The following FBXO4 variants were observed in gnomAD, a reference collection of about 807,000 sequenced individuals.
FBXO4 encodes F-box protein 4.
In FBXO4, 36 loss-of-function variants were observed where a neutral mutation model predicts 43.7. That is an observed-to-expected ratio of 0.82 (90% CI 0.63 to 1.09). The LOEUF is 1.09. FBXO4 is among the 50% of genes least tolerant of loss of function. The probability of loss-of-function intolerance (pLI) is 0.00; values close to 1 mark genes in which losing one functional copy is unlikely to be tolerated. For missense variants in FBXO4, 435 were observed against 474.1 expected (o/e 0.92, Z 0.77); for synonymous variants, 180 against 165.6 (o/e 1.09, Z -0.67).
chr5:42,010,103 C>T, the FBXO4 span, among the ~76,000 whole-genome samples: 1 of 152,148 alleles, frequency 6.6e-6, no homozygotes, highest in Non-Finnish European at 1.5e-5. Flanking sequence ...TGATTAGGTA[C>T]ATTAGGTAAA....
chr5:41,979,343 G>C, the FBXO4 span, among the ~76,000 whole-genome samples: 2 of 152,092 alleles, frequency 1.3e-5, no homozygotes, highest in Non-Finnish European at 2.9e-5. Flanking sequence ...TATGTCTCTG[G>C]CTTTATCACT....
At chr5:41,965,155 T>G in the FBXO4 span, among the ~76,000 whole-genome samples, 17 of 152,138 alleles carry the variant, frequency 1.1e-4, no homozygotes, top group African/African-American at 3.1e-4. Flanking sequence ...TTTCCCCATT[T>G]CTTGTTTTTC....
intron 5 of FBXO4, chr5:41,934,577 G>A: frequency 1.5e-6 from 2 of 1,331,052 alleles, no homozygotes; most frequent in Non-Finnish European, 1.9e-6. Context: ...TTGGGCATCT[G>A]TTTTTTCCAA....
chr5:41,930,963 A>G (rs1365017736), intron 3 of FBXO4, among the ~76,000 whole-genome samples: 3 of 152,220 alleles, frequency 2.0e-5, no homozygotes, highest in Non-Finnish European at 4.4e-5. Flanking sequence ...GCGGAGAACT[A>G]CATTTCTAAA....
At chr5:42,000,589 T>A in the FBXO4 span, among the ~76,000 whole-genome samples, 2 of 152,342 alleles carry the variant, frequency 1.3e-5, no homozygotes, top group Admixed American at 6.5e-5. Flanking sequence ...TTTAGTTTGA[T>A]GCAATCTAAT....
the FBXO4 span, among the ~76,000 whole-genome samples, chr5:41,956,007 C>T: frequency 3.9e-5 from 6 of 151,986 alleles, no homozygotes; most frequent in Admixed American, 1.3e-4. Context: ...CCCAGATCAA[C>T]GTTTAAGAAT....
chr5:42,005,053 C>T, the FBXO4 span, among the ~76,000 whole-genome samples: 1 of 152,184 alleles, frequency 6.6e-6, no homozygotes, highest in East Asian at 1.9e-4. Flanking sequence ...TAATATAATG[C>T]TTCTCTCTCA....
chr5:41,964,505 C>T, the FBXO4 span, among the ~76,000 whole-genome samples: 1 of 150,318 alleles, frequency 6.7e-6, no homozygotes, highest in East Asian at 1.9e-4. Context: ...GGATACATCA[C>T]AGAAAAGCAG....
At position 41,939,642 on chromosome 5, in the gene FBXO4, A is replaced by T. The variant is rs748494197; in HGVS notation, c.1074+26A>T. The stretch of plus-strand genomic sequence containing the variant: ...GTAAGATCATTTATACTCTAGTGAC[A>T]AAAATTTTATTTTGCACTCTATTTT... On this transcript the variant is annotated intron_variant, in intron 6 of 6. Coordinates refer to ENST00000281623, the MANE Select transcript of FBXO4 (RefSeq NM_012176.3). 3 of 1,538,958 alleles carry T rather than the reference A, an allele frequency of 1.9e-6. No individual in the cohort carries two copies. In the East Asian group the frequency reaches 6.8e-5, roughly 35 times the overall value.
rs531012058 is a variant in FBXO4, at chr5:41,941,446, A to G, written c.*165A>G. 107 of 433,762 alleles carry G rather than the reference A, an allele frequency of 2.5e-4. 5 individuals are homozygous for G. The South Asian group carries it at 5.3e-3, about 21-fold the overall frequency. The allele number at this position is 433,762 out of a possible 1,614,324, so 26.9% of individuals were successfully genotyped here. On this transcript the variant is annotated 3_prime_UTR_variant, in exon 7 of 7. Transcript: ENST00000281623. ...TTTTATATTATTTTTACTCTTTACC[A>G]TAAATCAATTACAAGAAAAGAGTTT...
the FBXO4 span, among the ~76,000 whole-genome samples, chr5:41,985,657 T>C: frequency 6.6e-6 from 1 of 152,186 alleles, no homozygotes; most frequent in Non-Finnish European, 1.5e-5. Flanking sequence ...ATTTTGACTT[T>C]TTCACTTACT....
the FBXO4 span, among the ~76,000 whole-genome samples, chr5:41,985,720 G>T: frequency 3.9e-5 from 6 of 152,058 alleles, no homozygotes; most frequent in Non-Finnish European, 8.8e-5. Flanking sequence ...TGGCTAAATG[G>T]TTATTACTAG....
the FBXO4 span, among the ~76,000 whole-genome samples, chr5:42,003,521 T>C: frequency 6.6e-6 from 1 of 152,224 alleles, no homozygotes; most frequent in Non-Finnish European, 1.5e-5. Flanking sequence ...TATTTATTTA[T>C]TTATTTTTTA....
intron 5 of FBXO4, chr5:41,934,974 G>A (rs1255820420): frequency 1.0e-6 from 1 of 982,780 alleles, no homozygotes; most frequent in East Asian, 1.1e-4. Flanking sequence ...TAATACACTG[G>A]TTTGAATTTC....
At chr5:41,988,365 T>A in the FBXO4 span, among the ~76,000 whole-genome samples, 2 of 152,174 alleles carry the variant, frequency 1.3e-5, no homozygotes, top group Non-Finnish European at 2.9e-5. Context: ...AAGAAGGGAA[T>A]GCTCTTCATC....
At chr5:41,965,552 T>C in the FBXO4 span, among the ~76,000 whole-genome samples, 1 of 152,102 alleles carries the variant, frequency 6.6e-6, no homozygotes, top group East Asian at 1.9e-4. Context: ...TATCCTCTTT[T>C]ATTTCATGAA....
the FBXO4 span, among the ~76,000 whole-genome samples, chr5:42,019,209 T>C: frequency 5.5e-3 from 842 of 152,252 alleles, 29 homozygotes; most frequent in East Asian, 0.099. Context: ...GGCTTTGCAA[T>C]TAAAATGTGC....
At chr5:41,974,152 T>G in the FBXO4 span, among the ~76,000 whole-genome samples, 1 of 152,180 alleles carries the variant, frequency 6.6e-6, no homozygotes, top group Non-Finnish European at 1.5e-5. Flanking sequence ...TCTTTGTCTT[T>G]TGCTTTCAGC....
chr5:41,964,711 C>A, the FBXO4 span, among the ~76,000 whole-genome samples: 1 of 151,624 alleles, frequency 6.6e-6, no homozygotes, highest in African/African-American at 2.4e-5. Context: ...ATATCCTTCG[C>A]CCACTTGTTG....
Sources: gnomAD v4.1 joint callset for allele counts (sites outside exome capture counted in the v4.1 genomes callset) on GRCh38, gnomAD v4.1.1 for gene constraint, MANE v1.5 for transcripts, NCBI Gene and HGNC (gene_info 2026-07-23, HGNC 2026-07-21) for gene names.